Variants in OASL observed in about 807,000 individuals in gnomAD.
OASL encodes the protein 2'-5'-oligoadenylate synthase-like protein.
In OASL, 28 loss-of-function variants were observed where a neutral mutation model predicts 35.3. The ratio of observed to expected loss-of-function variants is 0.79; its 90% CI spans 0.59 to 1.09. The LOEUF (loss-of-function observed/expected upper bound fraction) is 1.09. OASL is among the 50% of genes least tolerant of loss of function. The probability of loss-of-function intolerance (pLI) is 0.00; values close to 1 mark genes in which losing one functional copy is unlikely to be tolerated. For synonymous variants in OASL, 252 were observed against 254.6 expected, an observed-to-expected ratio of 0.99 and a Z score of 0.10; for missense variants, 620 against 635.2, an observed-to-expected ratio of 0.98 and a Z score of 0.26.
intron 5 of OASL, 86 bp downstream of exon 5, chr12:121,023,904 A>G: frequency 6.7e-7 from 1 of 1,499,592 alleles, no homozygotes; most frequent in Non-Finnish European, 9.1e-7. Flanking sequence ...GTTCTCCATC[A>G]ACACAGAACT....
intron 2 of OASL, 137 bp from the exon 3 acceptor site, chr12:121,031,754 C>A: frequency 1.5e-6 from 1 of 661,924 alleles, no homozygotes; most frequent in Non-Finnish European, 2.5e-6. Context: ...CTTCAGAAAC[C>A]AAAGGTTTGC....
intron 1 of OASL, among the ~76,000 whole-genome samples, chr12:121,034,550 G>C (rs1018584485): frequency 1.3e-5 from 2 of 152,094 alleles, no homozygotes; most frequent in African/African-American, 2.4e-5. Flanking sequence ...GAGGATTCTG[G>C]GGGTGGTGGT....
At chr12:121,030,946 A>C (rs1869703158) in intron 3 of OASL, among the ~76,000 whole-genome samples, 1 of 151,896 alleles carries the variant, frequency 6.6e-6, no homozygotes, top group African/African-American at 2.4e-5. Flanking sequence ...CAGGCTGGTC[A>C]ACATAGTGAG....
At chr12:121,034,578 T>C (rs1283154731) in intron 1 of OASL, among the ~76,000 whole-genome samples, 3 of 152,148 alleles carry the variant, frequency 2.0e-5, no homozygotes, top group Non-Finnish European at 4.4e-5. Flanking sequence ...AATAATTTCA[T>C]GACATTATAA....
Position 121,024,971 on chromosome 12 carries a change from C to CTTTTT in OASL, c.900-839_900-835dup, listed in dbSNP as rs751576824. Among the ~76,000 whole-genome samples, 29 of 63,594 alleles carry CTTTTT rather than the reference C, an allele frequency of 4.6e-4. 2 individuals are homozygous for CTTTTT. Among genetic ancestry groups the CTTTTT allele is most frequent in the South Asian group, 3.1e-3 (4 of 1,290 alleles). 41.7% of individuals were successfully genotyped at this position (63,594 alleles called of 152,430 possible). On this transcript the variant is annotated intron_variant, in intron 4 of 5. Transcript: ENST00000257570. ...CCTTTTTACAGACCTCCCTAAGTTC[C>CTTTTT]TTTTTTTTTTTTTTTTTTTTTTTTT...
chr12:121,030,701 C>T (rs1309012980), intron 3 of OASL, among the ~76,000 whole-genome samples: 1 of 152,172 alleles, frequency 6.6e-6, no homozygotes, highest in African/African-American at 2.4e-5. Context: ...GCTGTTTACA[C>T]TCACACATGC....
rs74873526 is a variant in OASL, at chr12:121,038,733, G to A, written c.198+41C>T. On this transcript the variant is annotated intron_variant, in intron 1 of 5. Coordinates refer to ENST00000257570, the Ensembl canonical transcript of OASL. The stretch of plus-strand genomic sequence containing the variant: ...CCCCAGGGACGTGGACTCTGATACT[G>A]GGTTTTGTCTTGCGTGGGGGCTGGA... 7.8e-3 allele frequency: 12,571 copies of A among 1,601,748 alleles called. 847 individuals carry two copies. The African/African-American group carries it at 0.15, about 19-fold the overall frequency.
chr12:121,038,381 C>A (rs1160966132), intron 1 of OASL, among the ~76,000 whole-genome samples: 1 of 152,178 alleles, frequency 6.6e-6, no homozygotes, highest in Non-Finnish European at 1.5e-5. Flanking sequence ...TATCTGATAT[C>A]TAGGCCAGTT....
intron 2 of OASL, among the ~76,000 whole-genome samples, chr12:121,032,942 T>C (rs1485070761): frequency 6.6e-6 from 1 of 152,170 alleles, no homozygotes; most frequent in Non-Finnish European, 1.5e-5. Flanking sequence ...TTTTGTTTTT[T>C]TGAGACGGAG....
intron 3 of OASL, among the ~76,000 whole-genome samples, chr12:121,029,828 C>T (rs1434236641): frequency 6.6e-6 from 1 of 152,052 alleles, no homozygotes; most frequent in African/African-American, 2.4e-5. Flanking sequence ...AACTTATTTT[C>T]TTCAATATTA....
At chr12:121,024,816 C>T (rs893790051) in intron 4 of OASL, among the ~76,000 whole-genome samples, 11 of 152,158 alleles carry the variant, frequency 7.2e-5, no homozygotes, top group Admixed American at 5.9e-4. Flanking sequence ...AGTAGAAACA[C>T]CACTGCCACC....
chr12:121,033,417 G>A, intron 2 of OASL, 44 bp downstream of exon 2: 2 of 1,588,562 alleles, frequency 1.3e-6, no homozygotes, highest in Non-Finnish European at 1.7e-6. Flanking sequence ...AAGTCTCCTG[G>A]GGTGGGCAAG....
chr12:121,035,156 G>A (rs951724804), intron 1 of OASL, among the ~76,000 whole-genome samples: 2 of 152,026 alleles, frequency 1.3e-5, no homozygotes, highest in Non-Finnish European at 2.9e-5. Context: ...TGTGACATGA[G>A]CACGGATGCT....
At chr12:121,027,111 T>C (rs1869519176) in intron 4 of OASL, among the ~76,000 whole-genome samples, 3 of 152,234 alleles carry the variant, frequency 2.0e-5, no homozygotes, top group East Asian at 3.8e-4. Context: ...ATCTGCCAGA[T>C]GCTAGATATT....
intron 5 of OASL, among the ~76,000 whole-genome samples, chr12:121,022,360 C>T (rs1165445493): frequency 6.6e-6 from 1 of 152,144 alleles, no homozygotes; most frequent in East Asian, 1.9e-4. Context: ...GCTGGGATTA[C>T]AGATGTGAGC....
chr12:121,038,493 G>A (rs1592941629), intron 1 of OASL, among the ~76,000 whole-genome samples: 1 of 152,326 alleles, frequency 6.6e-6, no homozygotes, highest in South Asian at 2.1e-4. Flanking sequence ...TCTGTAAACT[G>A]GGCAAAGAAT....
At chr12:121,038,620 A>G (rs10774580) in intron 1 of OASL, among the ~76,000 whole-genome samples, 154 bp downstream of exon 1, 84,103 of 152,056 alleles carry the variant, frequency 0.55, 24,221 homozygotes, top group South Asian at 0.7. Context: ...GCAGTGGTGC[A>G]GTGGGGTGTA....
At chr12:121,017,956 C>A (rs559042556), downstream of OASL, among the ~76,000 whole-genome samples, 1 of 152,158 alleles carries the variant, frequency 6.6e-6, no homozygotes, top group South Asian at 2.1e-4. Flanking sequence ...TGTGGAGACA[C>A]CCACTGTTAG....
At position 121,033,449 on chromosome 12, in the gene OASL, C is replaced by A; in HGVS notation, c.481+12G>T. 1 of 1,602,560 alleles carries A rather than the reference C, an allele frequency of 6.2e-7. No individual in the cohort carries two copies. The highest frequency in any genetic ancestry group is 1.1e-5 in the South Asian group (1 of 90,870). On this transcript the variant is annotated intron_variant, in intron 2 of 5. Transcript: ENST00000257570. ...CAAGTGTGTGAGTCGGGTGAGCTTC[C>A]CCTCCCCTTACCCAGGGCTCTGTAG...
Sources: gnomAD v4.1 joint callset for allele counts (sites outside exome capture counted in the v4.1 genomes callset) on GRCh38, gnomAD v4.1.1 for gene constraint, MANE v1.5 for transcripts, NCBI Gene and HGNC (gene_info 2026-07-23, HGNC 2026-07-21) for gene names.